AP3D1: variants seen among roughly 807,000 people sequenced by gnomAD.
The protein encoded by AP3D1 is AP-3 complex subunit delta-1.
Under a neutral mutation model 147.6 loss-of-function variants are expected in AP3D1, and 51 were observed. The observed-to-expected ratio is 0.35, with a 90% CI of 0.28 to 0.44. The LOEUF (loss-of-function observed/expected upper bound fraction) is 0.44, where lower values mean the gene tolerates loss of function less well. Ranked by LOEUF, AP3D1 falls within the 20% of genes least tolerant of loss-of-function variation. AP3D1 has a pLI of 1.00. For synonymous variants in AP3D1, 760 were observed against 663.0 expected (o/e 1.15, Z -2.25); for missense variants, 1,421 against 1,624.2 (o/e 0.87, Z 2.15).
chr19:2,162,921 C>T (rs985238902), intron 1 of AP3D1, among the ~76,000 whole-genome samples: 5 of 151,996 alleles, frequency 3.3e-5, no homozygotes, highest in South Asian at 4.2e-4. Context: ...GTGGTGAAAC[C>T]GCCTTTGCAA....
At chr19:2,157,986 C>A (rs186557111) in intron 1 of AP3D1, among the ~76,000 whole-genome samples, 1 of 152,142 alleles carries the variant, frequency 6.6e-6, no homozygotes, top group Non-Finnish European at 1.5e-5. Flanking sequence ...TCTACAGAAG[C>A]ATTCATTTAG....
intron 1 of AP3D1, among the ~76,000 whole-genome samples, chr19:2,140,833 A>C (rs2019201791): frequency 7.2e-6 from 1 of 138,892 alleles, no homozygotes; most frequent in Non-Finnish European, 1.5e-5. Flanking sequence ...ATCTCGGCTC[A>C]CTGCAACCTT....
intron 11 of AP3D1, among the ~76,000 whole-genome samples, chr19:2,122,384 A>G (rs550909957): frequency 6.6e-6 from 1 of 152,332 alleles, no homozygotes; most frequent in East Asian, 1.9e-4. Context: ...AGCTGAACCC[A>G]TTCACATACT....
intron 1 of AP3D1, among the ~76,000 whole-genome samples, chr19:2,161,863 C>T (rs576348999): frequency 2.0e-5 from 3 of 151,834 alleles, no homozygotes; most frequent in South Asian, 2.1e-4. Flanking sequence ...GCGGGAGAAT[C>T]GCTGGAACCT....
chr19:2,115,808 G>C (rs544997778), intron 18 of AP3D1, among the ~76,000 whole-genome samples, 195 bp from the exon 19 acceptor site: 1 of 152,386 alleles, frequency 6.6e-6, no homozygotes, highest in South Asian at 2.1e-4. Context: ...GTGAGGACTG[G>C]AAAGCTTGTC....
intron 5 of AP3D1, among the ~76,000 whole-genome samples, chr19:2,132,209 C>A (rs2018969555): frequency 6.6e-6 from 1 of 152,140 alleles, no homozygotes; most frequent in African/African-American, 2.4e-5. Context: ...GGCAAACATC[C>A]CCCACCGTGC....
rs2018328538 is a variant in AP3D1, at chr19:2,112,947, A to G, written c.2700T>C (p.Thr900=). 6.2e-7 allele frequency: 1 copy of G among 1,612,452 alleles called. No homozygotes were observed. The highest frequency in any genetic ancestry group is 8.5e-7 in the Non-Finnish European group (1 of 1,179,486). The part of the protein sequence containing the change: ...VPSTGELSVN[T]VTTPKDECED... The stretch of plus-strand genomic sequence containing the variant: ...CACACTCGTCCTTCGGGGTAGTGAC[A>G]GTGTTCACACTGAGCTCCCCCTGCA... The change falls in exon 24 of 32, where the codon ACT becomes ACC. Residue 900 remains threonine, a synonymous_variant. Coordinates refer to ENST00000643116, the MANE Select transcript of AP3D1 (RefSeq NM_001261826.3).
chr19:2,130,804 G>C (rs905450341), intron 5 of AP3D1, among the ~76,000 whole-genome samples: 1 of 152,252 alleles, frequency 6.6e-6, no homozygotes, highest in African/African-American at 2.4e-5. Flanking sequence ...TGGGAGGAAG[G>C]CTGGAGAGGA....
chr19:2,115,585 T>C lies in AP3D1; in HGVS notation c.2102A>G (p.His701Arg), dbSNP rs774521539. Residue 701 changes from histidine to arginine, a missense_variant, in exon 19 of 32, where the codon CAC becomes CGC. By Grantham distance (29) the His-to-Arg change is conservative (BLOSUM62 0). Transcript: ENST00000643116. ...GAGGTCAATCTGCACCACGGGAATG[T>C]GCTCCACGCCCGGGGTGTCCTGGTA... ...KRYQDTPGVE[H>R]IPVVQIDLSV... The C allele has an allele frequency of 2.0e-5, 32 of 1,612,940 alleles. No individual in the cohort carries two copies. The highest frequency in any genetic ancestry group is 2.7e-5 in the African/African-American group (2 of 74,886).
At chr19:2,138,921 G>A (rs1310421872) in intron 1 of AP3D1, among the ~76,000 whole-genome samples, 3 of 151,822 alleles carry the variant, frequency 2.0e-5, no homozygotes, top group South Asian at 2.1e-4. Flanking sequence ...TTAGCTGGGC[G>A]TGGTGGCGGG....
chr19:2,162,641 G>A (rs928241853), intron 1 of AP3D1, among the ~76,000 whole-genome samples: 18 of 150,774 alleles, frequency 1.2e-4, no homozygotes, highest in Non-Finnish European at 1.8e-4. Context: ...CAGCCTGGGC[G>A]ACAGAGCGAG....
Position 2,111,759 on chromosome 19 carries a change from ACTT to A in AP3D1, c.2854_2856del (p.Lys952del), listed in dbSNP as rs763068481. ...TCGCTGCCTGGAGGCTGCTTCTTGG[ACTT>A]CTTCTTGCCTTTGGTCCGCTCCTCC... On this transcript the variant is annotated inframe_deletion, in exon 25 of 32. Coordinates refer to ENST00000643116, the MANE Select transcript of AP3D1 (RefSeq NM_001261826.3). The A allele has an allele frequency of 7.8e-5, 126 of 1,611,568 alleles. No homozygotes were observed. Among genetic ancestry groups the A allele is most frequent in the East Asian group, 2.2e-5 (1 of 44,806 alleles).
intron 31 of AP3D1, among the ~76,000 whole-genome samples, chr19:2,106,062 C>T (rs1391261016): frequency 6.6e-6 from 1 of 151,860 alleles, no homozygotes; most frequent in Non-Finnish European, 1.5e-5. Flanking sequence ...CACTGCACTC[C>T]AGCCTGGGCG....
At chr19:2,104,953 T>A (rs1019755770) in intron 31 of AP3D1, among the ~76,000 whole-genome samples, 4 of 151,960 alleles carry the variant, frequency 2.6e-5, no homozygotes, top group Non-Finnish European at 4.4e-5. Context: ...GGGACCACAG[T>A]CACACACCAC....
chr19:2,156,956 C>T (rs958324866), intron 1 of AP3D1, among the ~76,000 whole-genome samples: 2 of 135,488 alleles, frequency 1.5e-5, no homozygotes, highest in Non-Finnish European at 3.2e-5. Context: ...ATCCACGAAT[C>T]CATCCATTTA....
rs558549541 is a variant in AP3D1, at chr19:2,116,073, G to A, written c.2073+134C>T. On this transcript the variant is annotated intron_variant, in intron 18 of 31. Coordinates refer to ENST00000643116, the MANE Select transcript of AP3D1 (RefSeq NM_001261826.3). The stretch of plus-strand genomic sequence containing the variant: ...GAGGCGCCTGCCCCTCAAAGGCTCC[G>A]CACAGTCACCGTGTGGCCCCAGCTC... The A allele has an allele frequency of 1.8e-3, 1,571 of 861,986 alleles. 6 individuals carry two copies. Among genetic ancestry groups the A allele is most frequent in the Admixed American group, 2.9e-3 (120 of 40,942 alleles). The allele number at this position is 861,986 out of a possible 1,614,324, so 53.4% of individuals were successfully genotyped here. A position where few individuals can be genotyped will look rare whatever the true frequency, so the allele number is the denominator to read the frequency against.
intron 31 of AP3D1, among the ~76,000 whole-genome samples, chr19:2,103,649 G>T (rs2018021975): frequency 6.6e-6 from 1 of 152,194 alleles, no homozygotes; most frequent in Admixed American, 6.5e-5. Context: ...GACAGGAGAG[G>T]CTGGGCAGGT....
At chr19:2,114,896 A>G in intron 20 of AP3D1, 75 bp from the exon 21 acceptor site, 1 of 1,513,588 alleles carries the variant, frequency 6.6e-7, no homozygotes, top group South Asian at 1.1e-5. Context: ...TCTGGGACGC[A>G]GTGGGACTGC....
chr19:2,136,500 C>T (rs2019080418), intron 4 of AP3D1, among the ~76,000 whole-genome samples: 1 of 152,284 alleles, frequency 6.6e-6, no homozygotes, highest in South Asian at 2.1e-4. Flanking sequence ...CAAAGGTGTT[C>T]AGAGCTCGGG....
Sources: gnomAD v4.1 joint callset for allele counts (sites outside exome capture counted in the v4.1 genomes callset) on GRCh38, gnomAD v4.1.1 for gene constraint, MANE v1.5 for transcripts, NCBI Gene and HGNC (gene_info 2026-07-23, HGNC 2026-07-21) for gene names.